NUP62CL: variants seen among roughly 807,000 people sequenced by gnomAD.
NUP62CL encodes the protein nucleoporin-62 C-terminal-like protein.
NUP62CL carries 13 observed loss-of-function variants against 15.3 expected under a neutral mutation model. That is an observed-to-expected ratio of 0.85 (90% CI 0.55 to 1.35). The LOEUF is 1.35. Among genes scored for constraint, NUP62CL ranks in the 40% most tolerant of loss-of-function variants. The probability of loss-of-function intolerance (pLI) is 0.00; values close to 1 mark genes in which losing one functional copy is unlikely to be tolerated. For synonymous variants in NUP62CL, 54 were observed against 49.2 expected (o/e 1.10, Z -0.41); for missense variants, 123 against 130.6 (o/e 0.94, Z 0.28).
At chrX:107,131,816 T>C (rs1925525502) in intron 8 of NUP62CL, 7 of 1,131,563 alleles carry the variant, frequency 6.2e-6, no homozygotes, top group Non-Finnish European at 8.5e-6. Flanking sequence ...AGCTGTGTCT[T>C]TGCTGGGGAG....
intron 4 of NUP62CL, among the ~76,000 whole-genome samples, chrX:107,156,765 A>C (rs1286261314): frequency 1.9e-5 from 2 of 105,886 alleles, no homozygotes; most frequent in Non-Finnish European, 3.9e-5. Flanking sequence ...CAGCAACGGA[A>C]CAAAGCTGGA....
intron 8 of NUP62CL, among the ~76,000 whole-genome samples, chrX:107,125,014 A>G (rs762190867): frequency 8.9e-6 from 1 of 111,811 alleles, no homozygotes; most frequent in South Asian, 3.8e-4. Context: ...TAAACGATAT[A>G]CAGTTGACTC....
At chrX:107,124,410 C>G (rs1339763843) in intron 8 of NUP62CL, 78 bp from the exon 9 acceptor site, 1 of 314,586 alleles carries the variant, frequency 3.2e-6, no homozygotes, top group Non-Finnish European at 6.1e-6. Context: ...TTCCTTTCAA[C>G]ACATGATTAA....
chrX:107,143,831 T>A (rs1316820297), intron 8 of NUP62CL, among the ~76,000 whole-genome samples: 1 of 111,831 alleles, frequency 8.9e-6, no homozygotes, highest in Non-Finnish European at 1.9e-5. Flanking sequence ...CATTTCAGCA[T>A]ACATGATCCA....
At chrX:107,151,305 A>G (rs754857195) in intron 7 of NUP62CL, among the ~76,000 whole-genome samples, 2 of 111,901 alleles carry the variant, frequency 1.8e-5, no homozygotes, top group Non-Finnish European at 3.8e-5. Flanking sequence ...CATACAAAAG[A>G]GAAGTTATTT....
At chrX:107,131,699 G>T in intron 8 of NUP62CL, 1 of 726,351 alleles carries the variant, frequency 1.4e-6, no homozygotes, top group Middle Eastern at 3.9e-4. Flanking sequence ...GGAGCAGTTG[G>T]TTCTAGTGGA....
In NUP62CL at chrX:107,202,868, T is replaced by A. The variant is rs1298484228; in HGVS notation, c.-92+3405A>T. On this transcript the variant is annotated intron_variant, in intron 1 of 8. Transcript: ENST00000372466. ...AAAAAAAAAAATTAGCCAGGTATGG[T>A]AGCATGTGCCTACAGTCCCAGCTAC... 1.4e-4 allele frequency among the ~76,000 whole-genome samples: 14 copies of A among 102,745 alleles called. No homozygotes were observed. In the Admixed American group the frequency reaches 1.5e-3, roughly 11 times the overall value. 89.2% of individuals were successfully genotyped at this position (102,745 alleles called of 115,157 possible).
chrX:107,189,906 A>G (rs189419901), intron 2 of NUP62CL, among the ~76,000 whole-genome samples: 22 of 99,829 alleles, frequency 2.2e-4, no homozygotes, highest in African/African-American at 9.0e-4. Context: ...AGAAAGAAAG[A>G]AAGAAAGAAA....
At chrX:107,205,713 A>C (rs1424826763) in intron 1 of NUP62CL, among the ~76,000 whole-genome samples, 3 of 111,251 alleles carry the variant, frequency 2.7e-5, no homozygotes, top group Non-Finnish European at 5.7e-5. Context: ...TTTGTTTAAA[A>C]CCAAGCCACG....
chrX:107,126,345 A>G (rs1266036595), intron 8 of NUP62CL, among the ~76,000 whole-genome samples: 2 of 112,357 alleles, frequency 1.8e-5, no homozygotes, highest in Non-Finnish European at 3.8e-5. Context: ...ATCCCTATGA[A>G]AATTCTAGCA....
intron 7 of NUP62CL, among the ~76,000 whole-genome samples, chrX:107,148,415 A>G (rs1204973872): frequency 1.8e-5 from 2 of 111,659 alleles, no homozygotes; most frequent in African/African-American, 6.5e-5. Flanking sequence ...CAATATCTCT[A>G]CCAATCAAAA....
In NUP62CL at chrX:107,175,243, TA is replaced by T. The variant is rs1407478768; in HGVS notation, c.-47-51del. 3 of 599,488 alleles carry T rather than the reference TA, an allele frequency of 5.0e-6. No homozygotes were observed. The African/African-American group carries it at 6.8e-5, about 14-fold the overall frequency. The allele number at this position is 599,488 out of a possible 1,213,427, so 49.4% of individuals were successfully genotyped here. A position where few individuals can be genotyped will look rare whatever the true frequency, so the allele number is the denominator to read the frequency against. ...AAAATATGTCACTAAAAATAATTTT[TA>T]AAAGTAAAACAACATTATGACAAGG... is the stretch of plus-strand genomic sequence containing the variant. On this transcript the variant is annotated intron_variant, in intron 2 of 8. Transcript: ENST00000372466.
At chrX:107,136,576 A>C (rs1925643579) in intron 8 of NUP62CL, among the ~76,000 whole-genome samples, 1 of 112,333 alleles carries the variant, frequency 8.9e-6, no homozygotes, top group Non-Finnish European at 1.9e-5. Flanking sequence ...CCTGGCAGAA[A>C]CAGCAAAAGA....
At chrX:107,168,751 T>C (rs926840518) in intron 3 of NUP62CL, among the ~76,000 whole-genome samples, 11 of 112,544 alleles carry the variant, frequency 9.8e-5, no homozygotes, top group African/African-American at 3.5e-4. Flanking sequence ...TATGAAAATA[T>C]AACGTACATG....
At chrX:107,128,922 GAT>G (rs1474736054) in intron 8 of NUP62CL, among the ~76,000 whole-genome samples, 7 of 111,789 alleles carry the variant, frequency 6.3e-5, no homozygotes, top group African/African-American at 1.6e-4. Context: ...TTAATAAAGA[GAT>G]GACTAGAATA....
chrX:107,125,900 A>T (rs1217842233), intron 8 of NUP62CL, among the ~76,000 whole-genome samples: 3 of 112,098 alleles, frequency 2.7e-5, no homozygotes, highest in Non-Finnish European at 5.6e-5. Flanking sequence ...ATGTCTTCTA[A>T]TTGAATTCCC....
At chrX:107,202,032 C>T (rs146125440) in intron 1 of NUP62CL, among the ~76,000 whole-genome samples, 3,058 of 111,824 alleles carry the variant, frequency 0.027, 116 homozygotes, top group African/African-American at 0.093. Context: ...TTTATGGCCA[C>T]ATGTCAGGGC....
intron 8 of NUP62CL, among the ~76,000 whole-genome samples, chrX:107,130,074 C>A (rs987810484): frequency 1.8e-5 from 2 of 111,332 alleles, no homozygotes; most frequent in African/African-American, 3.3e-5. Context: ...AAATTTAGAT[C>A]AGTCCAGGGC....
chrX:107,201,135 A>G (rs1341284104), intron 1 of NUP62CL, among the ~76,000 whole-genome samples: 1 of 111,830 alleles, frequency 8.9e-6, no homozygotes, highest in African/African-American at 3.3e-5. Flanking sequence ...AATTAAACAT[A>G]TGCTTCTGAA....
Sources: gnomAD v4.1 joint callset for allele counts (sites outside exome capture counted in the v4.1 genomes callset) on GRCh38, gnomAD v4.1.1 for gene constraint, MANE v1.5 for transcripts, NCBI Gene and HGNC (gene_info 2026-07-23, HGNC 2026-07-21) for gene names.